PGCKA1: variants seen among roughly 807,000 people sequenced by gnomAD.
PGCKA1 encodes the protein PDCD10 and GCKIII kinases-associated protein 1.
chr4:37,529,647 A>T, the PGCKA1 span, among the ~76,000 whole-genome samples: 3 of 152,240 alleles, frequency 2.0e-5, no homozygotes, highest in Non-Finnish European at 2.9e-5. Flanking sequence ...TTGGAAGAAC[A>T]TACTCTATTC....
chr4:37,577,408 TC>T, the PGCKA1 span, among the ~76,000 whole-genome samples: 337 of 152,276 alleles, frequency 2.2e-3, 1 homozygote, highest in African/African-American at 7.8e-3. Flanking sequence ...TTCTGCAGTA[TC>T]AGTCGTAATG....
chr4:37,460,489 G>A, the PGCKA1 span: 3 of 440,008 alleles, frequency 6.8e-6, no homozygotes, highest in South Asian at 3.3e-5. Context: ...CCACAGCCTT[G>A]CCAGCATCTA....
chr4:37,495,829 C>G, the PGCKA1 span, among the ~76,000 whole-genome samples: 1 of 151,870 alleles, frequency 6.6e-6, no homozygotes, highest in South Asian at 2.1e-4. Context: ...ACATTCTGCA[C>G]ATGTATCCCA....
the PGCKA1 span, chr4:37,460,511 C>T: frequency 2.2e-6 from 1 of 449,120 alleles, no homozygotes; most frequent in East Asian, 7.2e-5. Flanking sequence ...TGTTTCTTGA[C>T]TTTTTAATAA....
the PGCKA1 span, among the ~76,000 whole-genome samples, chr4:37,485,033 A>T: frequency 6.6e-6 from 1 of 152,336 alleles, no homozygotes; most frequent in South Asian, 2.1e-4. Flanking sequence ...ATTATGTTGC[A>T]TGCTATTTTA....
the PGCKA1 span, among the ~76,000 whole-genome samples, chr4:37,574,187 CA>C: frequency 1.4e-3 from 184 of 136,166 alleles, 2 homozygotes; most frequent in Admixed American, 2.1e-3. Flanking sequence ...GACTCCATCT[CA>C]AAAAAAAAAA....
At chr4:37,593,351 A>G in the PGCKA1 span, among the ~76,000 whole-genome samples, 1 of 152,176 alleles carries the variant, frequency 6.6e-6, no homozygotes, top group African/African-American at 2.4e-5. Context: ...CCACATATCA[A>G]TGACCCACGT....
the PGCKA1 span, among the ~76,000 whole-genome samples, chr4:37,511,511 C>T: frequency 1.1e-4 from 16 of 152,226 alleles, no homozygotes; most frequent in East Asian, 1.7e-3. Flanking sequence ...GGCTAGGTCC[C>T]GGAATGGGAG....
At chr4:37,519,493 C>T in the PGCKA1 span, among the ~76,000 whole-genome samples, 1 of 152,092 alleles carries the variant, frequency 6.6e-6, no homozygotes, top group African/African-American at 2.4e-5. Context: ...TTTGGTTAAG[C>T]TAATCCCTAG....
the PGCKA1 span, among the ~76,000 whole-genome samples, chr4:37,498,495 A>G: frequency 1.3e-5 from 2 of 152,202 alleles, no homozygotes; most frequent in African/African-American, 2.4e-5. Flanking sequence ...TGCTTTTGGC[A>G]GTATGGTCAT....
At chr4:37,550,937 A>G in the PGCKA1 span, among the ~76,000 whole-genome samples, 1 of 152,222 alleles carries the variant, frequency 6.6e-6, no homozygotes, top group Admixed American at 6.5e-5. Flanking sequence ...AATATTGCAT[A>G]GCTAGAAAAA....
At chr4:37,587,515 GA>G in the PGCKA1 span, among the ~76,000 whole-genome samples, 2 of 152,188 alleles carry the variant, frequency 1.3e-5, no homozygotes, top group South Asian at 2.1e-4. Flanking sequence ...AAAAGCTTAT[GA>G]AGCAGCATCC....
chr4:37,568,795 T>A, the PGCKA1 span, among the ~76,000 whole-genome samples: 1 of 152,220 alleles, frequency 6.6e-6, no homozygotes, highest in Non-Finnish European at 1.5e-5. Context: ...GAAGTTCCCC[T>A]TTTTTCCCAC....
At chr4:37,546,070 T>A in the PGCKA1 span, among the ~76,000 whole-genome samples, 1 of 152,194 alleles carries the variant, frequency 6.6e-6, no homozygotes, top group African/African-American at 2.4e-5. Context: ...GGGATGATGA[T>A]GATAACAGTG....
At chr4:37,517,176 G>C in the PGCKA1 span, among the ~76,000 whole-genome samples, 3,285 of 151,458 alleles carry the variant, frequency 0.022, 128 homozygotes, top group African/African-American at 0.076. Context: ...ACTTGAACCC[G>C]GGAGGCGGAG....
chr4:37,580,159 G>A, the PGCKA1 span, among the ~76,000 whole-genome samples: 2 of 151,836 alleles, frequency 1.3e-5, no homozygotes, highest in Non-Finnish European at 2.9e-5. Flanking sequence ...TTATCTGATA[G>A]AATTTTGAAT....
At chr4:37,584,875 C>T in the PGCKA1 span, among the ~76,000 whole-genome samples, 1 of 151,900 alleles carries the variant, frequency 6.6e-6, no homozygotes, top group Non-Finnish European at 1.5e-5. Flanking sequence ...CTTGAATTCA[C>T]CATCATAAAG....
the PGCKA1 span, among the ~76,000 whole-genome samples, chr4:37,493,755 C>T: frequency 6.6e-6 from 1 of 152,132 alleles, no homozygotes; most frequent in African/African-American, 2.4e-5. Flanking sequence ...CCTCTGGTAA[C>T]CATCCTTCTA....
the PGCKA1 span, among the ~76,000 whole-genome samples, chr4:37,501,826 A>G: frequency 7.2e-5 from 11 of 151,848 alleles, no homozygotes; most frequent in Non-Finnish European, 1.3e-4. Context: ...GATAGAAGGC[A>G]CTCTGGTTTT....
Sources: gnomAD v4.1 joint callset for allele counts (sites outside exome capture counted in the v4.1 genomes callset) on GRCh38, gnomAD v4.1.1 for gene constraint, MANE v1.5 for transcripts, NCBI Gene and HGNC (gene_info 2026-07-23, HGNC 2026-07-21) for gene names.